Variants in NIBAN1 observed in about 807,000 individuals in gnomAD.
NIBAN1 encodes the protein protein Niban 1.
Under a neutral mutation model 75.1 loss-of-function variants are expected in NIBAN1, and 81 were observed. The observed-to-expected ratio is 1.08, with a 90% CI of 0.90 to 1.30. The LOEUF is 1.30. Among genes scored for constraint, NIBAN1 ranks in the 50% most tolerant of loss-of-function variants. The probability of loss-of-function intolerance (pLI) is 0.00; values close to 1 mark genes in which losing one functional copy is unlikely to be tolerated. For synonymous variants in NIBAN1, 436 were observed against 424.8 expected (o/e 1.03, Z -0.32); for missense variants, 1,133 against 1,128.1 (o/e 1.00, Z -0.06).
chr1:184,949,920 C>T (rs1397228831), intron 1 of NIBAN1, among the ~76,000 whole-genome samples: 1 of 152,124 alleles, frequency 6.6e-6, no homozygotes. Flanking sequence ...ATAGGTAAGG[C>T]TCTTGCACCC....
chr1:184,801,385 C>G (rs1344185762), intron 12 of NIBAN1, among the ~76,000 whole-genome samples: 1 of 152,130 alleles, frequency 6.6e-6, no homozygotes, highest in African/African-American at 2.4e-5. Context: ...AAAGCATTGC[C>G]CAGGAGACTG....
intron 8 of NIBAN1, 96 bp from the exon 9 acceptor site, chr1:184,818,921 C>T: frequency 7.4e-7 from 1 of 1,348,626 alleles, no homozygotes; most frequent in Non-Finnish European, 1.0e-6. Flanking sequence ...CCCACGGAGC[C>T]ATTTAACAGC....
At position 184,856,820 on chromosome 1, in the gene NIBAN1, G is replaced by C. The variant is rs12096742; in HGVS notation, c.602-24858C>G. On this transcript the variant is annotated intron_variant, in intron 5 of 13. Transcript: ENST00000367511. ...CCTGGTAAGTGTTTGGCAAAAGAAG[G>C]CATAATGATCTGTAACACAACAGCG... is the stretch of plus-strand genomic sequence containing the variant. Among the ~76,000 whole-genome samples, 399 of 152,324 alleles carry C rather than the reference G, an allele frequency of 2.6e-3. 6 individuals carry two copies. Among genetic ancestry groups the C allele is most frequent in the African/African-American group, 9.2e-3 (383 of 41,574 alleles).
intron 1 of NIBAN1, among the ~76,000 whole-genome samples, chr1:184,957,867 T>A (rs115544018): frequency 0.024 from 3,624 of 152,276 alleles, 129 homozygotes; most frequent in African/African-American, 0.082. Flanking sequence ...TATGCCTTAC[T>A]TCCCAAATAT....
At chr1:184,964,434 G>A (rs1658727337) in intron 1 of NIBAN1, among the ~76,000 whole-genome samples, 1 of 152,256 alleles carries the variant, frequency 6.6e-6, no homozygotes, top group South Asian at 2.1e-4. Flanking sequence ...AGGCAGCACA[G>A]CTCGGTTAAC....
intron 3 of NIBAN1, among the ~76,000 whole-genome samples, chr1:184,891,613 T>C (rs892069814): frequency 6.6e-6 from 1 of 152,182 alleles, no homozygotes; most frequent in Non-Finnish European, 1.5e-5. Flanking sequence ...ACTGAATAAC[T>C]TGCCCATGGC....
intron 1 of NIBAN1, among the ~76,000 whole-genome samples, chr1:184,953,593 A>G (rs933607795): frequency 2.0e-5 from 3 of 152,236 alleles, no homozygotes; most frequent in African/African-American, 7.2e-5. Flanking sequence ...ACCTTAAGGC[A>G]TCAAATATTT....
chr1:184,953,940 T>G (rs762850066), intron 1 of NIBAN1, among the ~76,000 whole-genome samples: 32 of 152,334 alleles, frequency 2.1e-4, no homozygotes, highest in South Asian at 4.1e-4. Context: ...CAAAGAACAC[T>G]GGATAAGGTA....
At chr1:184,880,343 A>G (rs1656345706) in intron 5 of NIBAN1, among the ~76,000 whole-genome samples, 1 of 152,164 alleles carries the variant, frequency 6.6e-6, no homozygotes. Context: ...CACTGCCTAC[A>G]CTGCAGCCAT....
At chr1:184,936,815 A>G (rs1484199693) in intron 1 of NIBAN1, among the ~76,000 whole-genome samples, 1 of 152,116 alleles carries the variant, frequency 6.6e-6, no homozygotes, top group Non-Finnish European at 1.5e-5. Context: ...CCTCAAAGAC[A>G]CTTTTTTCCA....
chr1:184,824,322 G>A (rs1249314572), intron 6 of NIBAN1, among the ~76,000 whole-genome samples: 1 of 152,114 alleles, frequency 6.6e-6, no homozygotes, highest in African/African-American at 2.4e-5. Context: ...ACCGACCAGA[G>A]CCCAGGTACC....
At chr1:184,908,368 C>T (rs1657156203) in intron 1 of NIBAN1, among the ~76,000 whole-genome samples, 1 of 152,176 alleles carries the variant, frequency 6.6e-6, no homozygotes, top group African/African-American at 2.4e-5. Flanking sequence ...GTCCCATTGG[C>T]ACTGTGCATT....
intron 1 of NIBAN1, among the ~76,000 whole-genome samples, chr1:184,971,668 CA>C (rs889984651): frequency 6.7e-6 from 1 of 149,064 alleles, no homozygotes; most frequent in African/African-American, 2.5e-5. Flanking sequence ...GACTCTGTCT[CA>C]AAAAAAAAGG....
In NIBAN1 at chr1:184,886,827, A is replaced by G. The variant is rs549713172; in HGVS notation, c.434-2027T>C. On this transcript the variant is annotated intron_variant, in intron 4 of 13. Transcript: ENST00000367511. ...ACATGGGAGTCTACAGAACCGCATCAGTTCTGGCAAATTAATAAATCAGGA... is the reference window on the plus strand; with the variant it reads ...ACATGGGAGTCTACAGAACCGCATCGGTTCTGGCAAATTAATAAATCAGGA... 5.4e-4 allele frequency among the ~76,000 whole-genome samples: 82 copies of G among 152,338 alleles called. 1 individual carries two copies. Among genetic ancestry groups the G allele is most frequent in the African/African-American group, 2.0e-3 (82 of 41,578 alleles).
chr1:184,841,046 T>C (rs925046049), intron 5 of NIBAN1, among the ~76,000 whole-genome samples: 1 of 152,008 alleles, frequency 6.6e-6, no homozygotes, highest in Non-Finnish European at 1.5e-5. Flanking sequence ...GCTCTGAGGA[T>C]ACAAAGCTGA....
rs138240427 is a variant in NIBAN1 at position 184,937,145 on chromosome 1, CTT to C, written c.55+37155_55+37156del. On this transcript the variant is annotated intron_variant, in intron 1 of 13. Coordinates refer to ENST00000367511, the MANE Select transcript of NIBAN1 (RefSeq NM_052966.4). The stretch of plus-strand genomic sequence containing the variant: ...GCTGACTTCTGTTAATAGCTGGATT[CTT>C]TTTTTTTTTTTTTTTTTTTTTGAGA... 5.1e-3 allele frequency among the ~76,000 whole-genome samples: 468 copies of C among 92,122 alleles called. 5 individuals are homozygous for C. The East Asian group carries it at 0.052, about 10-fold the overall frequency. 60.4% of individuals were successfully genotyped at this position (92,122 alleles called of 152,430 possible). A position where few individuals can be genotyped will look rare whatever the true frequency, so the allele number is the denominator to read the frequency against.
chr1:184,958,823 C>T (rs73054655), intron 1 of NIBAN1, among the ~76,000 whole-genome samples: 9,207 of 152,226 alleles, frequency 0.06, 295 homozygotes, highest in African/African-American at 0.068. Context: ...ATTTAATTCT[C>T]CTCTCTAACA....
intron 2 of NIBAN1, among the ~76,000 whole-genome samples, chr1:184,896,206 A>G (rs1656797440): frequency 1.3e-5 from 2 of 152,070 alleles, no homozygotes; most frequent in South Asian, 2.1e-4. Flanking sequence ...TTTTCTCCAC[A>G]TCCACATCAT....
At chr1:184,971,388 T>C (rs1557936391) in intron 1 of NIBAN1, among the ~76,000 whole-genome samples, 1 of 143,384 alleles carries the variant, frequency 7.0e-6, no homozygotes, top group Non-Finnish European at 1.5e-5. Flanking sequence ...AAAAAAAAGA[T>C]TGGCTGGGCA....
Sources: allele counts gnomAD v4.1 joint callset (sites outside exome capture counted in the v4.1 genomes callset), GRCh38; gene constraint gnomAD v4.1.1; transcripts MANE v1.5; gene names NCBI Gene and HGNC (gene_info 2026-07-23, HGNC 2026-07-21).